The following ANXA8 variants were observed in gnomAD, a reference collection of about 807,000 sequenced individuals.
ANXA8 encodes the protein annexin A8.
ANXA8 carries 9 observed loss-of-function variants against 26.8 expected under a neutral mutation model. That is an observed-to-expected ratio of 0.34 (90% CI 0.20 to 0.59). The LOEUF is 0.59. Ranked by LOEUF, ANXA8 falls within the 20% of genes least tolerant of loss-of-function variation. ANXA8 has a pLI of 0.84. For missense variants in ANXA8, 83 were observed against 238.5 expected (o/e 0.35, Z 4.29); for synonymous variants, 39 against 94.8 (o/e 0.41, Z 3.42).
chr10:47,947,967 C>T, the ANXA8 span, among the ~76,000 whole-genome samples: 1 of 150,944 alleles, frequency 6.6e-6, no homozygotes, highest in East Asian at 2.0e-4. Flanking sequence ...CCCTGCATTC[C>T]TACCAGCCAG....
chr10:47,762,828 C>T, the ANXA8 span: 2 of 1,360,434 alleles, frequency 1.5e-6, 1 homozygote, highest in South Asian at 3.2e-5. Flanking sequence ...GCCCCGAGGC[C>T]GCAGTCCCGC....
chr10:47,557,637 A>G, the ANXA8 span, among the ~76,000 whole-genome samples: 3 of 151,824 alleles, frequency 2.0e-5, no homozygotes, highest in South Asian at 2.1e-4. Flanking sequence ...TGGTTATTTT[A>G]TAAATAGTTG....
the ANXA8 span, among the ~76,000 whole-genome samples, chr10:47,653,106 G>C: frequency 6.6e-6 from 1 of 150,758 alleles, no homozygotes; most frequent in African/African-American, 2.5e-5. Context: ...GAGGTTAGGA[G>C]TTCGAGACCA....
At chr10:47,695,334 A>T in the ANXA8 span, among the ~76,000 whole-genome samples, 2 of 150,856 alleles carry the variant, frequency 1.3e-5, no homozygotes, top group African/African-American at 4.9e-5. Context: ...TGTGTAATGT[A>T]AAACAGTAGT....
chr10:47,967,175 C>T, the ANXA8 span, among the ~76,000 whole-genome samples: 1 of 148,978 alleles, frequency 6.7e-6, no homozygotes, highest in Admixed American at 6.7e-5. Context: ...AAAACAGTTT[C>T]TATCCTCTCC....
chr10:47,497,054 C>A, the ANXA8 span, among the ~76,000 whole-genome samples: 1 of 151,492 alleles, frequency 6.6e-6, no homozygotes, highest in African/African-American at 2.4e-5. Flanking sequence ...GGCGCAGTGG[C>A]TCATGCCTCT....
the ANXA8 span, among the ~76,000 whole-genome samples, chr10:47,682,192 T>C: frequency 7.6e-6 from 1 of 130,886 alleles, no homozygotes; most frequent in East Asian, 2.2e-4. Flanking sequence ...TATTTAAATA[T>C]TTTAACAGGA....
chr10:47,733,275 C>CTTTCTTTT, the ANXA8 span, among the ~76,000 whole-genome samples: 2 of 100,168 alleles, frequency 2.0e-5, 1 homozygote, highest in Non-Finnish European at 3.9e-5. Flanking sequence ...TTCTTTCTTT[C>CTTTCTTTT]TTTCTTTCTT....
At chr10:47,691,087 C>T in the ANXA8 span, 32 of 1,611,100 alleles carry the variant, frequency 2.0e-5, no homozygotes, top group South Asian at 1.5e-4. Flanking sequence ...ACATAAAATT[C>T]GGACCAAATT....
chr10:47,577,935 AG>A, the ANXA8 span, among the ~76,000 whole-genome samples: 1 of 37,194 alleles, frequency 2.7e-5, no homozygotes. Context: ...TGGGAGGCAG[AG>A]GTTGCAGTAA....
chr10:47,695,222 T>C, the ANXA8 span, among the ~76,000 whole-genome samples: 2 of 151,642 alleles, frequency 1.3e-5, no homozygotes, highest in South Asian at 4.2e-4. Flanking sequence ...AATGCTCTGA[T>C]ATATCACTCG....
chr10:47,699,796 T>C, the ANXA8 span, among the ~76,000 whole-genome samples: 1 of 151,492 alleles, frequency 6.6e-6, no homozygotes, highest in Non-Finnish European at 1.5e-5. Flanking sequence ...TGCACCACTG[T>C]ACTCCAGCCT....
At chr10:47,502,850 T>C in the ANXA8 span, 1 of 1,603,968 alleles carries the variant, frequency 6.2e-7, no homozygotes, top group African/African-American at 1.4e-5. Flanking sequence ...TCCTCATACG[T>C]CGTGGCTTCA....
upstream of ANXA8, among the ~76,000 whole-genome samples, chr10:47,486,011 G>A (rs1227895771): frequency 2.0e-5 from 3 of 151,904 alleles, no homozygotes; most frequent in East Asian, 1.9e-4. Flanking sequence ...GGGAGGCTGA[G>A]GCAGGAGAAT....
At chr10:47,646,179 A>G in the ANXA8 span, among the ~76,000 whole-genome samples, 2 of 144,846 alleles carry the variant, frequency 1.4e-5, no homozygotes, top group Non-Finnish European at 3.0e-5. Flanking sequence ...TTAGTTATCT[A>G]TCTCATTTAT....
At chr10:47,659,676 CAAA>C in the ANXA8 span, among the ~76,000 whole-genome samples, 5 of 80,556 alleles carry the variant, frequency 6.2e-5, no homozygotes, top group Non-Finnish European at 5.2e-5. Flanking sequence ...AACTCTGTCT[CAAA>C]AAAAAAAAAA....
chr10:47,763,200 G>A, the ANXA8 span: 1 of 988,824 alleles, frequency 1.0e-6, no homozygotes, highest in African/African-American at 1.8e-5. Flanking sequence ...CGCGGGTCCC[G>A]GGCCCCAGCG....
At chr10:47,595,130 T>C in the ANXA8 span, among the ~76,000 whole-genome samples, 1 of 148,280 alleles carries the variant, frequency 6.7e-6, no homozygotes, top group South Asian at 2.1e-4. Flanking sequence ...CTAAAAGGAA[T>C]GACATTCCAG....
At chr10:47,942,509 G>T in the ANXA8 span, among the ~76,000 whole-genome samples, 2 of 139,586 alleles carry the variant, frequency 1.4e-5, no homozygotes, top group Non-Finnish European at 3.0e-5. Context: ...CCCACAGATT[G>T]CTGGCTGATC....
Sources: gnomAD v4.1 joint callset for allele counts (sites outside exome capture counted in the v4.1 genomes callset) on GRCh38, gnomAD v4.1.1 for gene constraint, MANE v1.5 for transcripts, NCBI Gene and HGNC (gene_info 2026-07-23, HGNC 2026-07-21) for gene names.